The following EPS15 variants were observed in gnomAD, a reference collection of about 807,000 sequenced individuals.
EPS15 encodes epidermal growth factor receptor pathway substrate 15.
In EPS15, 72 loss-of-function variants were observed where a neutral mutation model predicts 113.8. The observed-to-expected ratio is 0.63, with a 90% CI of 0.52 to 0.77. EPS15 has a LOEUF of 0.77. Ranked by LOEUF, EPS15 falls within the 30% of genes least tolerant of loss-of-function variation. The probability of loss-of-function intolerance (pLI) is 0.00; values close to 1 mark genes in which losing one functional copy is unlikely to be tolerated. For synonymous variants in EPS15, 344 were observed against 363.4 expected (o/e 0.95, Z 0.61); for missense variants, 1,048 against 1,045.8 (o/e 1.00, Z -0.03).
chr1:51,428,903 G>A (rs1651461714), intron 12 of EPS15, among the ~76,000 whole-genome samples: 2 of 149,642 alleles, frequency 1.3e-5, no homozygotes, highest in South Asian at 4.3e-4. Flanking sequence ...AATTTTATTT[G>A]TGTCTTTAAA....
At chr1:51,424,043 A>T (rs1570272734) in intron 12 of EPS15, among the ~76,000 whole-genome samples, 1 of 152,238 alleles carries the variant, frequency 6.6e-6, no homozygotes, top group South Asian at 2.1e-4. Context: ...CCTCTTAGTA[A>T]GAAGATCAAT....
At chr1:51,420,029 G>T (rs191430294) in intron 13 of EPS15, among the ~76,000 whole-genome samples, 12 of 151,796 alleles carry the variant, frequency 7.9e-5, no homozygotes, top group African/African-American at 2.4e-4. Flanking sequence ...TTTTTTCATT[G>T]ATTATTACTT....
intron 1 of EPS15, among the ~76,000 whole-genome samples, chr1:51,518,779 C>T (rs539619587): frequency 2.6e-5 from 4 of 151,790 alleles, no homozygotes; most frequent in Admixed American, 6.6e-5. Flanking sequence ...CTCGTGCGGC[C>T]CGGGGGTGCG....
intron 1 of EPS15, among the ~76,000 whole-genome samples, chr1:51,494,198 T>TA (rs1442748526): frequency 9.9e-5 from 15 of 152,210 alleles, no homozygotes; most frequent in Admixed American, 6.5e-4. Context: ...TGTCCCATAG[T>TA]AAAATCCTTC....
rs185759516 is a variant in EPS15, at chr1:51,477,062, C to T, written c.76-4114G>A. On this transcript the variant is annotated intron_variant, in intron 2 of 24. Coordinates refer to ENST00000371733, the MANE Select transcript of EPS15 (RefSeq NM_001981.3). ...TCCTCTTTGTACCTCTGGTAGAATT[C>T]GGTTGTGAATCCATCTGGTCCTGGA... Among the ~76,000 whole-genome samples, 734 of 152,228 alleles carry T rather than the reference C, an allele frequency of 4.8e-3. 7 individuals are homozygous for T. The highest frequency in any genetic ancestry group is 0.016 in the African/African-American group (680 of 41,530).
chr1:51,465,167 A>C (rs577408114), intron 6 of EPS15, 94 bp downstream of exon 6: 44 of 713,812 alleles, frequency 6.2e-5, no homozygotes, highest in Non-Finnish European at 1.0e-4. Context: ...ACATGTATGA[A>C]AGTCTAATGA....
At chr1:51,371,519 A>G (rs879541595) in intron 21 of EPS15, among the ~76,000 whole-genome samples, 2 of 136,712 alleles carry the variant, frequency 1.5e-5, no homozygotes, top group African/African-American at 4.9e-5. Flanking sequence ...GTTAAAAAAA[A>G]AAAGAAAAAA....
chr1:51,380,173 G>A (rs886276001), intron 21 of EPS15, among the ~76,000 whole-genome samples: 30 of 151,276 alleles, frequency 2.0e-4, no homozygotes, highest in African/African-American at 7.1e-4. Context: ...GCAGTGAGCC[G>A]AGACTGCGTC....
At chr1:51,459,874 T>G (rs1180346745) in intron 8 of EPS15, among the ~76,000 whole-genome samples, 1 of 152,114 alleles carries the variant, frequency 6.6e-6, no homozygotes, top group African/African-American at 2.4e-5. Context: ...GGTGAATATA[T>G]CCTTTAAATG....
intron 1 of EPS15, among the ~76,000 whole-genome samples, chr1:51,483,803 TAAA>T (rs112681342): frequency 1.5e-5 from 2 of 134,584 alleles, no homozygotes; most frequent in Admixed American, 7.4e-5. Flanking sequence ...AGACTCCACC[TAAA>T]AAAAAAAAAG....
Position 51,367,404 on chromosome 1 carries a change from T to G in EPS15, c.2120-1375A>C, listed in dbSNP as rs897638587. ...CTCTCTCTACTAAAAATACAAAAAATTAGCTGGGCGTGGTGGTGCGTGCCT... is the reference window on the plus strand; with the variant it reads ...CTCTCTCTACTAAAAATACAAAAAAGTAGCTGGGCGTGGTGGTGCGTGCCT... On this transcript the variant is annotated intron_variant, in intron 21 of 24. Coordinates refer to ENST00000371733, the MANE Select transcript of EPS15 (RefSeq NM_001981.3). 2.0e-5 allele frequency among the ~76,000 whole-genome samples: 3 copies of G among 151,814 alleles called. No individual in the cohort carries two copies. In the East Asian group the frequency reaches 5.8e-4, roughly 30 times the overall value.
chr1:51,482,762 G>A (rs981266742), intron 1 of EPS15, among the ~76,000 whole-genome samples: 2 of 152,024 alleles, frequency 1.3e-5, no homozygotes, highest in South Asian at 2.1e-4. Flanking sequence ...CACCACACCC[G>A]GCCTTAGGAA....
intron 10 of EPS15, among the ~76,000 whole-genome samples, chr1:51,445,802 T>C (rs1161654841): frequency 6.6e-6 from 1 of 152,184 alleles, no homozygotes; most frequent in Non-Finnish European, 1.5e-5. Context: ...CTTGGCTAAG[T>C]TTTTTAACCT....
At chr1:51,455,579 C>CA (rs561856712) in intron 8 of EPS15, among the ~76,000 whole-genome samples, 21 of 144,968 alleles carry the variant, frequency 1.4e-4, no homozygotes, top group African/African-American at 2.8e-4. Flanking sequence ...GACAGACTCT[C>CA]AAAAAAAAAA....
intron 8 of EPS15, among the ~76,000 whole-genome samples, chr1:51,456,543 G>A (rs1021022081): frequency 9.9e-5 from 15 of 152,008 alleles, no homozygotes; most frequent in Admixed American, 6.6e-5. Flanking sequence ...AACTGCCATA[G>A]GCCAAAAGGA....
At chr1:51,462,396 A>T (rs1254878676) in intron 7 of EPS15, among the ~76,000 whole-genome samples, 2 of 151,674 alleles carry the variant, frequency 1.3e-5, no homozygotes, top group Non-Finnish European at 2.9e-5. Context: ...AAAGGGCAAG[A>T]GGTTTAAAGA....
chr1:51,489,148 A>AAAC (rs982124928), intron 1 of EPS15, among the ~76,000 whole-genome samples: 13 of 151,624 alleles, frequency 8.6e-5, no homozygotes, highest in African/African-American at 3.1e-4. Context: ...TGTAAAAAAA[A>AAAC]AAAACAAAAC....
At chr1:51,365,282 G>C (rs937607184) in intron 22 of EPS15, among the ~76,000 whole-genome samples, 1 of 152,132 alleles carries the variant, frequency 6.6e-6, no homozygotes, top group Non-Finnish European at 1.5e-5. Flanking sequence ...TGCATATTGT[G>C]GGGGGCTAGA....
rs2148331246 is a variant in EPS15 at position 51,354,720 on chromosome 1, CT to C, written c.*1979del. ...TATATATTTATATAATATATACATA[CT>C]TTAATATTATGTTGGTCCACGGGGT... On this transcript the variant is annotated 3_prime_UTR_variant, in exon 25 of 25. Transcript: ENST00000371733. The C allele has an allele frequency of 5.4e-6, 1 of 183,628 alleles. No individual in the cohort carries two copies. Among genetic ancestry groups the C allele is most frequent in the East Asian group, 8.9e-5 (1 of 11,212 alleles). 11.4% of individuals were successfully genotyped at this position (183,628 alleles called of 1,614,324 possible).
Sources: gnomAD v4.1 joint callset for allele counts (sites outside exome capture counted in the v4.1 genomes callset) on GRCh38, gnomAD v4.1.1 for gene constraint, MANE v1.5 for transcripts, NCBI Gene and HGNC (gene_info 2026-07-23, HGNC 2026-07-21) for gene names.